Variants in FER observed in about 807,000 individuals in gnomAD.
FER encodes the protein FER tyrosine kinase.
FER carries 63 observed loss-of-function variants against 111.0 expected under a neutral mutation model. That is an observed-to-expected ratio of 0.57 (90% CI 0.46 to 0.70). The LOEUF (loss-of-function observed/expected upper bound fraction) is 0.70, where lower values mean the gene tolerates loss of function less well. FER is among the 30% of genes least tolerant of loss of function. The pLI, the probability that FER is intolerant of heterozygous loss-of-function variation, is 0.00. For missense variants in FER, 914 were observed against 954.0 expected (o/e 0.96, Z 0.55); for synonymous variants, 327 against 313.9 (o/e 1.04, Z -0.44).
At chr5:109,062,482 C>T (rs2149969464) in intron 16 of FER, among the ~76,000 whole-genome samples, 1 of 152,196 alleles carries the variant, frequency 6.6e-6, no homozygotes, top group East Asian at 1.9e-4. Flanking sequence ...ACCAGGATCA[C>T]ATCACTGCAC....
At chr5:108,879,564 A>G (rs1765428837) in intron 8 of FER, among the ~76,000 whole-genome samples, 1 of 151,608 alleles carries the variant, frequency 6.6e-6, no homozygotes, top group African/African-American at 2.4e-5. Context: ...TATGTCATCT[A>G]TACATGAACT....
At chr5:108,878,783 C>G (rs1466742054) in intron 8 of FER, among the ~76,000 whole-genome samples, 1 of 152,106 alleles carries the variant, frequency 6.6e-6, no homozygotes, top group African/African-American at 2.4e-5. Context: ...GATACATTTA[C>G]TTTTGTTTAT....
chr5:108,794,898 C>A (rs555895793), intron 2 of FER, among the ~76,000 whole-genome samples: 2 of 152,262 alleles, frequency 1.3e-5, no homozygotes, highest in South Asian at 4.1e-4. Context: ...TGTTCAATAA[C>A]CTTCTTGTAC....
At chr5:108,793,413 C>G (rs2150030524) in intron 2 of FER, among the ~76,000 whole-genome samples, 1 of 151,468 alleles carries the variant, frequency 6.6e-6, no homozygotes, top group East Asian at 1.9e-4. Context: ...TGTTGATGGA[C>G]ACTTAGGTTG....
intron 17 of FER, among the ~76,000 whole-genome samples, chr5:109,120,757 G>A (rs72796575): frequency 0.027 from 4,123 of 151,524 alleles, 75 homozygotes; most frequent in Middle Eastern, 0.092. Context: ...TTCATTTTTC[G>A]TGTTCAATTT....
intron 13 of FER, among the ~76,000 whole-genome samples, chr5:109,025,722 GT>G (rs1231441679): frequency 6.6e-6 from 1 of 151,850 alleles, no homozygotes; most frequent in Non-Finnish European, 1.5e-5. Flanking sequence ...AATGCTTCTA[GT>G]TTTTGCCCAT....
intron 1 of FER, among the ~76,000 whole-genome samples, chr5:108,758,310 G>T (rs1326491081): frequency 6.6e-6 from 1 of 151,626 alleles, no homozygotes; most frequent in Non-Finnish European, 1.5e-5. Flanking sequence ...CCTACCTAGA[G>T]TTGAATCTGT....
intron 10 of FER, among the ~76,000 whole-genome samples, chr5:108,937,283 T>C (rs1350555238): frequency 1.3e-5 from 2 of 151,982 alleles, no homozygotes; most frequent in African/African-American, 4.8e-5. Flanking sequence ...ACAGAGGTAG[T>C]AGTACCATTC....
intron 12 of FER, among the ~76,000 whole-genome samples, chr5:108,957,825 G>C (rs1382485545): frequency 6.6e-6 from 1 of 151,542 alleles, no homozygotes; most frequent in Non-Finnish European, 1.5e-5. Flanking sequence ...ACTCTGTGAG[G>C]AGGTACAAAT....
At chr5:109,054,682 A>G (rs528585520) in intron 16 of FER, among the ~76,000 whole-genome samples, 2 of 148,818 alleles carry the variant, frequency 1.3e-5, no homozygotes, top group African/African-American at 2.5e-5. Context: ...CAAGGTCCTA[A>G]AAGTTGTTTC....
At chr5:108,795,313 T>C (rs1220840946) in intron 2 of FER, among the ~76,000 whole-genome samples, 2 of 151,952 alleles carry the variant, frequency 1.3e-5, no homozygotes, top group African/African-American at 4.8e-5. Flanking sequence ...GGAGACCCTG[T>C]CTGGAAAAAA....
intron 2 of FER, among the ~76,000 whole-genome samples, chr5:108,780,631 C>T (rs941132651): frequency 7.9e-5 from 12 of 151,770 alleles, no homozygotes; most frequent in African/African-American, 2.7e-4. Flanking sequence ...AATCATTATC[C>T]TGCTTGGAGT....
intron 10 of FER, among the ~76,000 whole-genome samples, chr5:108,903,617 C>G (rs1750350472): frequency 6.6e-6 from 1 of 152,150 alleles, no homozygotes. Context: ...ATTTCTGTGA[C>G]ACTGAAATGA....
At chr5:108,852,106 C>G (rs373855250) in intron 5 of FER, among the ~76,000 whole-genome samples, 4 of 152,140 alleles carry the variant, frequency 2.6e-5, no homozygotes, top group South Asian at 4.1e-4. Flanking sequence ...AATTTATAAG[C>G]CGTCATTTAC....
chr5:109,180,732 C>G lies in FER; in HGVS notation c.2049-15C>G. The G allele has an allele frequency of 2.5e-6, 4 of 1,591,884 alleles. No homozygotes were observed. Among genetic ancestry groups the G allele is most frequent in the Non-Finnish European group, 2.6e-6 (3 of 1,172,872 alleles). ...TTGTTTTAATAGGCGTTTTCTGTGT[C>G]TTACTGTAACCTAGGGACCTTGCTG... On this transcript the variant is annotated splice_polypyrimidine_tract_variant and intron_variant, in intron 17 of 19. Transcript: ENST00000281092.
intron 16 of FER, among the ~76,000 whole-genome samples, chr5:109,070,743 T>C (rs1388403134): frequency 1.3e-5 from 2 of 152,008 alleles, no homozygotes; most frequent in Admixed American, 1.3e-4. Context: ...GTAAGGCTTT[T>C]CTATATTATT....
intron 3 of FER, among the ~76,000 whole-genome samples, chr5:108,798,685 A>C (rs1756311530): frequency 6.6e-6 from 1 of 152,112 alleles, no homozygotes; most frequent in South Asian, 2.1e-4. Context: ...CTGTCTCTAC[A>C]AAAAATATGA....
chr5:109,036,953 G>A lies in FER; in HGVS notation c.1657-469G>A, dbSNP rs76599290. Among the ~76,000 whole-genome samples the A allele has an allele frequency of 2.8e-3, 430 of 152,130 alleles. 1 individual carries two copies. The highest frequency in any genetic ancestry group is 4.2e-3 in the Non-Finnish European group (285 of 67,918). ...ATATGGGACTATATGAAGTGTCATA[G>A]ACAGCTATAACTCATGGCCCATTTA... On this transcript the variant is annotated intron_variant, in intron 13 of 19. Coordinates refer to ENST00000281092, the MANE Select transcript of FER (RefSeq NM_005246.4).
rs201193220 is a variant in FER at position 108,893,149 on chromosome 5, A to G, written c.1047-4510A>G. Among the ~76,000 whole-genome samples the G allele has an allele frequency of 1.2e-4, 18 of 152,136 alleles. No individual in the cohort carries two copies. In the East Asian group the frequency reaches 1.4e-3, roughly 11 times the overall value. ...TGGCTTAGGATTGACTTGGCGATGC[A>G]GGCTCTTTTTTGGTTCCATATGAAC... On this transcript the variant is annotated intron_variant, in intron 9 of 19. Coordinates refer to ENST00000281092, the MANE Select transcript of FER (RefSeq NM_005246.4).
Sources: gnomAD v4.1 joint callset for allele counts (sites outside exome capture counted in the v4.1 genomes callset) on GRCh38, gnomAD v4.1.1 for gene constraint, MANE v1.5 for transcripts, NCBI Gene and HGNC (gene_info 2026-07-23, HGNC 2026-07-21) for gene names.